GOLT1B: variants seen among roughly 807,000 people sequenced by gnomAD.
The protein encoded by GOLT1B is vesicle transport protein GOT1B.
GOLT1B carries 3 observed loss-of-function variants against 15.4 expected under a neutral mutation model. The observed-to-expected ratio is 0.19, with a 90% CI of 0.09 to 0.50. GOLT1B has a LOEUF of 0.50. Among genes scored for constraint, GOLT1B ranks in the 20% least tolerant of loss-of-function variants. GOLT1B has a pLI of 0.97. For missense variants in GOLT1B, 145 were observed against 160.4 expected, an observed-to-expected ratio of 0.90 and a Z score of 0.52; for synonymous variants, 65 against 56.2, an observed-to-expected ratio of 1.16 and a Z score of -0.70.
chr12:21,512,780 C>T (rs978650978), intron 4 of GOLT1B, among the ~76,000 whole-genome samples: 6 of 152,044 alleles, frequency 3.9e-5, no homozygotes, highest in African/African-American at 1.4e-4. Context: ...TAGATTCAGA[C>T]AATTAAATAA....
rs1188373447 is a variant in GOLT1B at position 21,518,337 on chromosome 12, C to T, written c.*2630C>T. ...TGAATACAAATAGACTTCAAGTAAG[C>T]AAAAATGTTCTTAATTTTGAAAACT... On this transcript the variant is annotated 3_prime_UTR_variant, in exon 5 of 5. Coordinates refer to ENST00000229314, the MANE Select transcript of GOLT1B (RefSeq NM_016072.5). 6.6e-6 allele frequency: 1 copy of T among 151,982 alleles called. No individual in the cohort carries two copies. Among genetic ancestry groups the T allele is most frequent in the African/African-American group, 2.4e-5 (1 of 41,406 alleles). The allele number at this position is 151,982 out of a possible 1,614,324, so 9.4% of individuals were successfully genotyped here.
In GOLT1B at chr12:21,515,784, T is replaced by A; in HGVS notation, c.*77T>A. ...ATTTGAAGAATATTCAGCACAAAATTAAATTACATGAAATAGCTTGTAATG... is the reference window on the plus strand; with the variant it reads ...ATTTGAAGAATATTCAGCACAAAATAAAATTACATGAAATAGCTTGTAATG... On this transcript the variant is annotated 3_prime_UTR_variant, in exon 5 of 5. Coordinates refer to ENST00000229314, the MANE Select transcript of GOLT1B (RefSeq NM_016072.5). 1.4e-6 allele frequency: 1 copy of A among 732,100 alleles called. No homozygotes were observed. The allele number at this position is 732,100 out of a possible 1,614,324, so 45.4% of individuals were successfully genotyped here.
intron 1 of GOLT1B, chr12:21,504,447 C>G: frequency 2.3e-6 from 1 of 435,520 alleles, no homozygotes; most frequent in East Asian, 7.2e-5. Context: ...CCAGTTGTGG[C>G]AAAGATGTTT....
intron 1 of GOLT1B, among the ~76,000 whole-genome samples, chr12:21,504,963 AAGAG>A (rs921072874): frequency 9.8e-5 from 15 of 152,306 alleles, no homozygotes; most frequent in African/African-American, 3.4e-4. Context: ...ATTCTGTGGG[AAGAG>A]GTATGGCATT....
chr12:21,508,572 T>C lies in GOLT1B; in HGVS notation c.296+11T>C, dbSNP rs1206138951. On this transcript the variant is annotated intron_variant, in intron 3 of 4. Coordinates refer to ENST00000229314, the MANE Select transcript of GOLT1B (RefSeq NM_016072.5). ...TTTTCTCTTGTTCAGGTAAGGCATA[T>C]TATTGTCTCTTTCAGTAAATCAGTG... is the stretch of plus-strand genomic sequence containing the variant. The C allele has an allele frequency of 4.4e-6, 6 of 1,372,350 alleles. No homozygotes were observed. Among genetic ancestry groups the C allele is most frequent in the African/African-American group, 1.4e-5 (1 of 69,262 alleles). 85.0% of individuals were successfully genotyped at this position (1,372,350 alleles called of 1,614,324 possible). A position where few individuals can be genotyped will look rare whatever the true frequency, so the allele number is the denominator to read the frequency against.
At chr12:21,512,501 T>G in intron 4 of GOLT1B, 125 bp downstream of exon 4, 5 of 644,072 alleles carry the variant, frequency 7.8e-6, no homozygotes, top group Non-Finnish European at 1.4e-5. Flanking sequence ...TTACTTCACA[T>G]AGATCATGAG....
At chr12:21,513,755 C>T (rs1440591622) in intron 4 of GOLT1B, among the ~76,000 whole-genome samples, 8 of 152,050 alleles carry the variant, frequency 5.3e-5, no homozygotes, top group Admixed American at 2.6e-4. Flanking sequence ...ATGCTCACAC[C>T]GCCACACTAT....
rs559665718 is a variant in GOLT1B, at chr12:21,511,312, G to A, written c.297-983G>A. ...AAAGAGATGCATAGGGCAAGGAAAG[G>A]GGGGAGGGTCGCAGATCCCCCCCCA... On this transcript the variant is annotated intron_variant, in intron 3 of 4. Coordinates refer to ENST00000229314, the MANE Select transcript of GOLT1B (RefSeq NM_016072.5). 1.4e-4 allele frequency among the ~76,000 whole-genome samples: 21 copies of A among 152,292 alleles called. 1 individual carries two copies. The South Asian group carries it at 3.9e-3, about 29-fold the overall frequency.
chr12:21,501,859 C>T lies in GOLT1B; in HGVS notation c.-65C>T, dbSNP rs1943628099. 1 of 1,172,224 alleles carries T rather than the reference C, an allele frequency of 8.5e-7. No homozygotes were observed. The highest frequency in any genetic ancestry group is 1.2e-5 in the South Asian group (1 of 80,178). The allele number at this position is 1,172,224 out of a possible 1,614,324, so 72.6% of individuals were successfully genotyped here. On this transcript the variant is annotated 5_prime_UTR_variant, in exon 1 of 5. Transcript: ENST00000229314. Reference sequence around the variant, plus strand: ...TGGGCTGTTTCCCGGCTTCATTTCTCCCGACTCAGCTTCCCACCCTGGGCT... The same window carrying T: ...TGGGCTGTTTCCCGGCTTCATTTCTTCCGACTCAGCTTCCCACCCTGGGCT...
chr12:21,505,214 C>G (rs1943670916), intron 1 of GOLT1B, among the ~76,000 whole-genome samples: 1 of 152,140 alleles, frequency 6.6e-6, no homozygotes, highest in South Asian at 2.1e-4. Context: ...AGGTGTCTTT[C>G]CATATACCTT....
chr12:21,504,140 G>A (rs79952831), intron 1 of GOLT1B, among the ~76,000 whole-genome samples: 6,314 of 152,286 alleles, frequency 0.041, 196 homozygotes, highest in Non-Finnish European at 0.066. Flanking sequence ...AATTTCCACA[G>A]TATGCTCCTT....
Position 21,504,664 on chromosome 12 carries a change from T to C in GOLT1B, c.26-2221T>C, listed in dbSNP as rs1591760215. 3 of 468,202 alleles carry C rather than the reference T, an allele frequency of 6.4e-6. No individual in the cohort carries two copies. In the East Asian group the frequency reaches 1.9e-4, roughly 30 times the overall value. 29.0% of individuals were successfully genotyped at this position (468,202 alleles called of 1,614,324 possible). ...CAAGAACAAGTTACTGAATTACCTC[T>C]AGGTCCATGGTTGCACATATGAACC... is the stretch of plus-strand genomic sequence containing the variant. On this transcript the variant is annotated intron_variant, in intron 1 of 4. Transcript: ENST00000229314.
chr12:21,515,761 T>C lies in GOLT1B; in HGVS notation c.*54T>C. ...AATATTGTGTTATTTATAAAGTCAT[T>C]TGAAGAATATTCAGCACAAAATTAA... is the stretch of plus-strand genomic sequence containing the variant. On this transcript the variant is annotated 3_prime_UTR_variant, in exon 5 of 5. Transcript: ENST00000229314. The C allele has an allele frequency of 1.2e-6, 1 of 809,170 alleles. No individual in the cohort carries two copies. Among genetic ancestry groups the C allele is most frequent in the Non-Finnish European group, 2.1e-6 (1 of 478,508 alleles). The allele number at this position is 809,170 out of a possible 1,614,324, so 50.1% of individuals were successfully genotyped here.
At chr12:21,506,494 TTA>T in intron 1 of GOLT1B, among the ~76,000 whole-genome samples, 1 of 152,030 alleles carries the variant, frequency 6.6e-6, no homozygotes, top group East Asian at 1.9e-4. Flanking sequence ...TAAATAATAA[TTA>T]TAGAATGTGA....
intron 3 of GOLT1B, among the ~76,000 whole-genome samples, chr12:21,510,608 T>G (rs1000300399): frequency 1.3e-5 from 2 of 152,156 alleles, no homozygotes; most frequent in African/African-American, 4.8e-5. Context: ...TTCTAGATAT[T>G]TATAACCCTA....
rs115281622 is a variant in GOLT1B, at chr12:21,514,439, A to G, written c.379-1230A>G. Among the ~76,000 whole-genome samples the G allele has an allele frequency of 7.8e-3, 1,183 of 152,322 alleles. 16 individuals are homozygous for G. Among genetic ancestry groups the G allele is most frequent in the African/African-American group, 0.027 (1,133 of 41,568 alleles). On this transcript the variant is annotated intron_variant, in intron 4 of 4. Transcript: ENST00000229314. ...CCATTTCCATCCCCAGGGTAATTTT[A>G]GGGTCAGAACCTTACAGCCAAGACA...
chr12:21,502,124 T>C (rs1943633675), intron 1 of GOLT1B, among the ~76,000 whole-genome samples, 176 bp downstream of exon 1: 2 of 152,186 alleles, frequency 1.3e-5, no homozygotes, highest in South Asian at 2.1e-4. Context: ...GGGGCTAGAC[T>C]TGGACTGGCG....
rs554567774 is a variant in GOLT1B, at chr12:21,517,905, T to A, written c.*2198T>A. The A allele has an allele frequency of 5.2e-5, 8 of 152,672 alleles. No homozygotes were observed. The East Asian group carries it at 1.3e-3, about 26-fold the overall frequency. 9.5% of individuals were successfully genotyped at this position (152,672 alleles called of 1,614,324 possible). A position where few individuals can be genotyped will look rare whatever the true frequency, so the allele number is the denominator to read the frequency against. On this transcript the variant is annotated 3_prime_UTR_variant, in exon 5 of 5. Transcript: ENST00000229314. Reference sequence around the variant, plus strand: ...CTTTCTTTCCAAAATCAGCCTTCTGTCTGTAACAAAAATGTACTTTATAGA... The same window carrying A: ...CTTTCTTTCCAAAATCAGCCTTCTGACTGTAACAAAAATGTACTTTATAGA...
intron 1 of GOLT1B, 65 bp from the exon 2 acceptor site, chr12:21,506,820 G>C (rs560524902): frequency 1.1e-5 from 8 of 698,624 alleles, no homozygotes; most frequent in Admixed American, 9.8e-5. Flanking sequence ...AATTTTCTTA[G>C]TTTACAGGGA....
Sources: allele counts gnomAD v4.1 joint callset (sites outside exome capture counted in the v4.1 genomes callset), GRCh38; gene constraint gnomAD v4.1.1; transcripts MANE v1.5; gene names NCBI Gene and HGNC (gene_info 2026-07-23, HGNC 2026-07-21).